KIZ: variants seen among roughly 807,000 people sequenced by gnomAD.
KIZ encodes the protein centrosomal protein kizuna.
A neutral mutation model predicts 79.6 loss-of-function variants in KIZ; 68 were observed. The observed-to-expected ratio is 0.85, with a 90% CI of 0.70 to 1.05. The LOEUF is 1.05. Among genes scored for constraint, KIZ ranks in the 50% least tolerant of loss-of-function variants. The pLI is 0.00. For synonymous variants in KIZ, 280 were observed against 281.8 expected, an observed-to-expected ratio of 0.99 and a Z score of 0.06; for missense variants, 797 against 800.4, an observed-to-expected ratio of 1.00 and a Z score of 0.05.
intron 2 of KIZ, among the ~76,000 whole-genome samples, chr20:21,136,061 A>G (rs2122366677): frequency 6.6e-6 from 1 of 152,336 alleles, no homozygotes; most frequent in South Asian, 2.1e-4. Flanking sequence ...TTCGTCGAAC[A>G]TGTCCACATA....
intron 9 of KIZ, 37 bp downstream of exon 9, chr20:21,215,685 AT>A: frequency 7.2e-7 from 1 of 1,380,976 alleles, no homozygotes; most frequent in Non-Finnish European, 1.0e-6. Flanking sequence ...CAGACACAAG[AT>A]TTAGCATTAT....
chr20:21,126,016 C>A, upstream of KIZ: 3 of 1,335,372 alleles, frequency 2.2e-6, no homozygotes, highest in Middle Eastern at 2.5e-4. Context: ...GGCGGCCCGG[C>A]GCGGTGTTTA....
chr20:21,236,220 C>T (rs1178862861), intron 11 of KIZ, among the ~76,000 whole-genome samples: 1 of 152,194 alleles, frequency 6.6e-6, no homozygotes, highest in African/African-American at 2.4e-5. Context: ...CCCCGATTAA[C>T]CATCAGGGGG....
At chr20:21,142,871 A>G (rs980516931) in intron 3 of KIZ, among the ~76,000 whole-genome samples, 1 of 152,166 alleles carries the variant, frequency 6.6e-6, no homozygotes, top group Admixed American at 6.5e-5. Flanking sequence ...ATGTATGCCT[A>G]TAAGGGGCTA....
rs763856883 is a variant in KIZ at position 21,214,578 on chromosome 20, G to A, written c.1490G>A (p.Arg497His). Residue 497 changes from arginine to histidine, a missense_variant, in exon 8 of 13, where the codon CGT becomes CAT. By Grantham distance (29) the Arg-to-His change is conservative. Transcript: ENST00000619189. ...AAAGCCCTTACAGAAGAGTGTGGCC[G>A]TAGGTCAGCTATTCACAGTAGTGAA... Reference protein sequence around the residue: ...LRKALTEECGRRSAIHSSESS... With the variant: ...LRKALTEECGHRSAIHSSESS... The A allele has an allele frequency of 9.9e-6, 16 of 1,613,054 alleles. No individual in the cohort carries two copies. The East Asian group carries it at 2.0e-4, about 20-fold the overall frequency.
rs761971768 is a variant in KIZ at position 21,246,422 on chromosome 20, G to T, written c.1925-57G>T. 984 of 1,071,706 alleles carry T rather than the reference G, an allele frequency of 9.2e-4. 2 individuals are homozygous for T. Among genetic ancestry groups the T allele is most frequent in the Non-Finnish European group, 1.3e-3 (915 of 698,868 alleles). 66.4% of individuals were successfully genotyped at this position (1,071,706 alleles called of 1,614,324 possible). A position where few individuals can be genotyped will look rare whatever the true frequency, so the allele number is the denominator to read the frequency against. On this transcript the variant is annotated intron_variant, in intron 12 of 12. Transcript: ENST00000619189. ...CAGTCCTTCCGTGCTGTGCTGTTTTGTAAGCTCTTAACCAGAATGCAAAAA... is the reference window on the plus strand; with the variant it reads ...CAGTCCTTCCGTGCTGTGCTGTTTTTTAAGCTCTTAACCAGAATGCAAAAA...
intron 3 of KIZ, among the ~76,000 whole-genome samples, chr20:21,141,342 A>G (rs1416303535): frequency 6.6e-6 from 1 of 152,178 alleles, no homozygotes; most frequent in Non-Finnish European, 1.5e-5. Flanking sequence ...TAGCTACCAT[A>G]GTCAGCCTGG....
At chr20:21,141,020 A>T (rs1449118299) in intron 3 of KIZ, among the ~76,000 whole-genome samples, 1 of 152,006 alleles carries the variant, frequency 6.6e-6, no homozygotes, top group Non-Finnish European at 1.5e-5. Context: ...AAAAAAATTA[A>T]TAATAATAAA....
intron 4 of KIZ, among the ~76,000 whole-genome samples, chr20:21,155,289 G>A (rs1478942443): frequency 1.3e-5 from 2 of 152,012 alleles, no homozygotes; most frequent in Non-Finnish European, 2.9e-5. Context: ...TCTGATGAAT[G>A]GATAAACAAA....
At chr20:21,130,096 G>A (rs994460954) in intron 1 of KIZ, among the ~76,000 whole-genome samples, 1 of 152,238 alleles carries the variant, frequency 6.6e-6, no homozygotes, top group East Asian at 1.9e-4. Context: ...CTATCTTAAC[G>A]ATGCTCCCTT....
intron 6 of KIZ, among the ~76,000 whole-genome samples, chr20:21,171,604 C>T (rs1186341163): frequency 6.6e-6 from 1 of 152,100 alleles, no homozygotes; most frequent in Non-Finnish European, 1.5e-5. Context: ...TGCCACCACA[C>T]CCAGCTAATT....
intron 2 of KIZ, among the ~76,000 whole-genome samples, chr20:21,135,821 A>G (rs2032154823): frequency 6.6e-6 from 1 of 152,180 alleles, no homozygotes; most frequent in Non-Finnish European, 1.5e-5. Flanking sequence ...AGTTTTTTTC[A>G]CAGTTGGAGT....
At chr20:21,167,304 A>G (rs2033986253) in intron 6 of KIZ, among the ~76,000 whole-genome samples, 1 of 152,234 alleles carries the variant, frequency 6.6e-6, no homozygotes, top group Admixed American at 6.5e-5. Context: ...ATGACTGGGA[A>G]CAGGCTGAAT....
In KIZ at chr20:21,246,462, C is replaced by G. The variant is rs2037390852; in HGVS notation, c.1925-17C>G. The G allele has an allele frequency of 6.7e-7, 1 of 1,500,652 alleles. No individual in the cohort carries two copies. The highest frequency in any genetic ancestry group is 1.7e-4 in the Middle Eastern group (1 of 5,840). The allele number at this position is 1,500,652 out of a possible 1,614,324, so 93.0% of individuals were successfully genotyped here. On this transcript the variant is annotated splice_polypyrimidine_tract_variant and intron_variant, in intron 12 of 12. Coordinates refer to ENST00000619189, the MANE Select transcript of KIZ (RefSeq NM_018474.6). ...GAATGCAAAAATGTTAAATAACTGT[C>G]TGGTTTTATTTTCCAGCCCTCTGGG...
chr20:21,182,331 A>G (rs2034688649), intron 6 of KIZ, among the ~76,000 whole-genome samples: 1 of 152,176 alleles, frequency 6.6e-6, no homozygotes. Context: ...ATAGCTTCCA[A>G]AGACAGAAAG....
chr20:21,235,063 C>A (rs2036960128), intron 11 of KIZ, among the ~76,000 whole-genome samples: 2 of 152,144 alleles, frequency 1.3e-5, no homozygotes. Flanking sequence ...GCCAGAGGGT[C>A]CGTCCTATTG....
chr20:21,203,046 A>G (rs1184637512), intron 6 of KIZ, among the ~76,000 whole-genome samples: 4 of 152,172 alleles, frequency 2.6e-5, no homozygotes, highest in African/African-American at 7.2e-5. Flanking sequence ...AACATAATCA[A>G]CAAAATTCTT....
chr20:21,229,553 A>ATTATT (rs553915602), intron 10 of KIZ, among the ~76,000 whole-genome samples: 55 of 152,158 alleles, frequency 3.6e-4, no homozygotes, highest in Middle Eastern at 3.4e-3. Context: ...GCTAAATTTT[A>ATTATT]TTATTTTATT....
At chr20:21,177,299 A>G (rs567752022) in intron 6 of KIZ, among the ~76,000 whole-genome samples, 6 of 152,064 alleles carry the variant, frequency 3.9e-5, no homozygotes, top group Admixed American at 3.3e-4. Context: ...AAATTTTTCT[A>G]TGGTTTTGAT....
Sources: allele counts gnomAD v4.1 joint callset (sites outside exome capture counted in the v4.1 genomes callset), GRCh38; gene constraint gnomAD v4.1.1; transcripts MANE v1.5; gene names NCBI Gene and HGNC (gene_info 2026-07-23, HGNC 2026-07-21).